Variants in EVI5 observed in about 807,000 individuals in gnomAD.
EVI5 encodes the protein ecotropic viral integration site 5.
A neutral mutation model predicts 112.0 loss-of-function variants in EVI5; 73 were observed. The observed-to-expected ratio is 0.65, with a 90% CI of 0.54 to 0.79. EVI5 has a LOEUF of 0.79. EVI5 is among the 30% of genes least tolerant of loss of function. The pLI, the probability that EVI5 is intolerant of heterozygous loss-of-function variation, is 0.00. For missense variants in EVI5, 900 were observed against 968.8 expected (o/e 0.93, Z 0.94); for synonymous variants, 305 against 319.9 (o/e 0.95, Z 0.50).
chr1:92,532,117 A>AG (rs1160991218), intron 19 of EVI5, among the ~76,000 whole-genome samples: 5 of 151,542 alleles, frequency 3.3e-5, no homozygotes, highest in Non-Finnish European at 5.9e-5. Context: ...GGAAAGCAAA[A>AG]AAAAGCAGGG....
At chr1:92,541,055 C>A (rs1664721167) in intron 19 of EVI5, among the ~76,000 whole-genome samples, 1 of 152,066 alleles carries the variant, frequency 6.6e-6, no homozygotes, top group African/African-American at 2.4e-5. Flanking sequence ...GCCTGAGTGA[C>A]AGAGAAAGAC....
At chr1:92,646,411 A>AC (rs1263794365) in intron 13 of EVI5, among the ~76,000 whole-genome samples, 1 of 152,010 alleles carries the variant, frequency 6.6e-6, no homozygotes, top group Non-Finnish European at 1.5e-5. Flanking sequence ...AGGCCAGCTG[A>AC]CCCCTCTTTG....
chr1:92,590,653 T>C (rs908595090), intron 18 of EVI5, among the ~76,000 whole-genome samples: 3 of 152,168 alleles, frequency 2.0e-5, no homozygotes, highest in Admixed American at 6.5e-5. Context: ...TACCTGAAAG[T>C]GACGGGGAGA....
At chr1:92,550,796 A>ATATATATATG (rs1666755052) in intron 19 of EVI5, among the ~76,000 whole-genome samples, 1 of 102,640 alleles carries the variant, frequency 9.7e-6, no homozygotes, top group Non-Finnish European at 1.9e-5. Flanking sequence ...ATATATATAT[A>ATATATATATG]TATATATATA....
chr1:92,765,559 C>T (rs1172962694), intron 1 of EVI5, among the ~76,000 whole-genome samples: 2 of 150,342 alleles, frequency 1.3e-5, no homozygotes, highest in African/African-American at 2.4e-5. Flanking sequence ...AAGTTATAAA[C>T]AACAAAGACA....
At chr1:92,635,556 G>A (rs898384258) in intron 14 of EVI5, among the ~76,000 whole-genome samples, 2 of 152,128 alleles carry the variant, frequency 1.3e-5, no homozygotes, top group Admixed American at 6.5e-5. Flanking sequence ...CGAGTGACCC[G>A]ATTTTCCAGG....
Position 92,699,226 on chromosome 1 carries a change from C to G in EVI5, c.640-1241G>C, listed in dbSNP as rs182529455. ...GACTATCTCTATTAATTCTATCAAG[C>G]CCCACAGCCCCACTGAATTATGTCA... On this transcript the variant is annotated intron_variant, in intron 5 of 19. Transcript: ENST00000684568. 9.0e-4 allele frequency among the ~76,000 whole-genome samples: 137 copies of G among 152,246 alleles called. 1 individual carries two copies. The highest frequency in any genetic ancestry group is 2.7e-3 in the South Asian group (13 of 4,814).
At chr1:92,736,683 G>C (rs1677506398) in intron 1 of EVI5, 56 bp from the exon 2 acceptor site, 1 of 1,097,142 alleles carries the variant, frequency 9.1e-7, no homozygotes, top group Non-Finnish European at 1.4e-6. Context: ...TCATTACCGA[G>C]AACTTAATAA....
intron 18 of EVI5, among the ~76,000 whole-genome samples, chr1:92,584,002 G>T (rs1025332399): frequency 6.6e-6 from 1 of 152,072 alleles, no homozygotes; most frequent in South Asian, 2.1e-4. Context: ...TAGGATGTGG[G>T]TTTTTCTCCG....
At chr1:92,556,023 T>G (rs1466275739) in intron 19 of EVI5, among the ~76,000 whole-genome samples, 1 of 151,728 alleles carries the variant, frequency 6.6e-6, no homozygotes, top group African/African-American at 2.4e-5. Context: ...CAATGCTGAA[T>G]GAGCCTTAAA....
At chr1:92,710,086 C>A (rs867920191) in intron 2 of EVI5, among the ~76,000 whole-genome samples, 418 of 82,774 alleles carry the variant, frequency 5.0e-3, no homozygotes, top group African/African-American at 5.3e-3. Flanking sequence ...TATTGCAAAG[C>A]AAAAAAAAAA....
chr1:92,600,631 C>T (rs1648955413), intron 18 of EVI5, among the ~76,000 whole-genome samples: 1 of 152,100 alleles, frequency 6.6e-6, no homozygotes, highest in African/African-American at 2.4e-5. Flanking sequence ...GATCATCAGG[C>T]ATTAGATTCT....
chr1:92,651,859 AAAAAAAAG>A (rs1382318966), intron 13 of EVI5, among the ~76,000 whole-genome samples: 1 of 148,988 alleles, frequency 6.7e-6, no homozygotes, highest in African/African-American at 2.5e-5. Flanking sequence ...TCAAAAAAAA[AAAAAAAAG>A]AAAGAAATTG....
At chr1:92,744,493 A>T (rs1678941254) in intron 1 of EVI5, among the ~76,000 whole-genome samples, 1 of 151,948 alleles carries the variant, frequency 6.6e-6, no homozygotes, top group African/African-American at 2.4e-5. Context: ...TTGAGAACGG[A>T]CCCATTTATC....
chr1:92,761,057 C>CAA (rs35833050), intron 1 of EVI5, among the ~76,000 whole-genome samples: 7,599 of 105,388 alleles, frequency 0.072, 964 homozygotes, highest in African/African-American at 0.23. Flanking sequence ...GGCTCCATCT[C>CAA]AAAAAAAAAA....
chr1:92,557,831 C>G (rs938709842), intron 19 of EVI5, among the ~76,000 whole-genome samples: 5 of 151,670 alleles, frequency 3.3e-5, no homozygotes, highest in African/African-American at 1.2e-4. Flanking sequence ...CTCAAGCAAT[C>G]CTCCCACCTC....
At chr1:92,689,186 A>G (rs1669067129) in intron 9 of EVI5, among the ~76,000 whole-genome samples, 1 of 152,244 alleles carries the variant, frequency 6.6e-6, no homozygotes, top group Non-Finnish European at 1.5e-5. Flanking sequence ...CTGCTGGGTT[A>G]GACTACAAAT....
chr1:92,785,401 A>G (rs1187785309), upstream of EVI5, among the ~76,000 whole-genome samples: 1 of 152,322 alleles, frequency 6.6e-6, no homozygotes, highest in Non-Finnish European at 1.5e-5. Flanking sequence ...TTAGGACTGC[A>G]GGCCTCGCGC....
In EVI5 at chr1:92,666,197, G is replaced by T. The variant is rs532120809; in HGVS notation, c.1159-205C>A. On this transcript the variant is annotated intron_variant, in intron 10 of 19. Coordinates refer to ENST00000684568, the MANE Select transcript of EVI5 (RefSeq NM_001350197.2). ...TCACGCCTGTAATCCCAGCTCTTTG[G>T]GAGGCCAAGGCCGGCAGATGGCTTG... 4.6e-5 allele frequency among the ~76,000 whole-genome samples: 7 copies of T among 152,038 alleles called. No individual in the cohort carries two copies. The East Asian group carries it at 1.2e-3, about 25-fold the overall frequency.
Sources: allele counts gnomAD v4.1 joint callset (sites outside exome capture counted in the v4.1 genomes callset), GRCh38; gene constraint gnomAD v4.1.1; transcripts MANE v1.5; gene names NCBI Gene and HGNC (gene_info 2026-07-23, HGNC 2026-07-21).